Variants in MNAT1 observed in about 807,000 individuals in gnomAD.
MNAT1 encodes the protein MNAT1 component of CDK activating kinase.
A neutral mutation model predicts 42.0 loss-of-function variants in MNAT1; 43 were observed. The observed-to-expected ratio is 1.02, with a 90% CI of 0.80 to 1.32. The LOEUF (loss-of-function observed/expected upper bound fraction) is 1.32. Among genes scored for constraint, MNAT1 ranks in the 40% most tolerant of loss-of-function variants. MNAT1 has a pLI of 0.00. For synonymous variants in MNAT1, 118 were observed against 120.0 expected, an observed-to-expected ratio of 0.98 and a Z score of 0.11; for missense variants, 306 against 350.4, an observed-to-expected ratio of 0.87 and a Z score of 1.01.
intron 1 of MNAT1, among the ~76,000 whole-genome samples, chr14:60,751,120 G>T (rs2030072942): frequency 6.6e-6 from 1 of 151,250 alleles, no homozygotes; most frequent in Non-Finnish European, 1.5e-5. Context: ...TAATCAAATG[G>T]GGAAACTGAA....
At chr14:60,827,246 T>C (rs2033081355) in intron 6 of MNAT1, among the ~76,000 whole-genome samples, 1 of 152,124 alleles carries the variant, frequency 6.6e-6, no homozygotes, top group Non-Finnish European at 1.5e-5. Flanking sequence ...TGGAGAAACA[T>C]ACCATGCATT....
intron 6 of MNAT1, among the ~76,000 whole-genome samples, chr14:60,837,489 A>G (rs1321128130): frequency 2.0e-5 from 3 of 152,100 alleles, no homozygotes; most frequent in African/African-American, 7.2e-5. Flanking sequence ...CCCTGACCCC[A>G]TGCGCTTCCT....
At chr14:60,886,656 T>C (rs1181858423) in intron 7 of MNAT1, among the ~76,000 whole-genome samples, 1 of 152,074 alleles carries the variant, frequency 6.6e-6, no homozygotes, top group African/African-American at 2.4e-5. Context: ...TGTAATGTTT[T>C]GATTTTTTTT....
chr14:60,825,197 AT>A (rs953057081), intron 6 of MNAT1, among the ~76,000 whole-genome samples: 12 of 152,324 alleles, frequency 7.9e-5, no homozygotes, highest in Non-Finnish European at 1.6e-4. Flanking sequence ...GAATATGTAG[AT>A]TAAAATCACA....
At chr14:60,818,258 G>A (rs2032775184) in intron 5 of MNAT1, among the ~76,000 whole-genome samples, 1 of 151,816 alleles carries the variant, frequency 6.6e-6, no homozygotes, top group Admixed American at 6.6e-5. Context: ...TATACTTTTG[G>A]TTGTACTTAC....
chr14:60,882,533 G>T (rs1461399519), intron 7 of MNAT1, among the ~76,000 whole-genome samples: 1 of 152,146 alleles, frequency 6.6e-6, no homozygotes, highest in African/African-American at 2.4e-5. Context: ...GAACAGTCCT[G>T]TAACAAACAT....
intron 7 of MNAT1, among the ~76,000 whole-genome samples, chr14:60,915,582 T>C (rs1444896838): frequency 6.6e-6 from 1 of 152,188 alleles, no homozygotes; most frequent in African/African-American, 2.4e-5. Flanking sequence ...ATCTCACCAT[T>C]TGTTGCCTCT....
chr14:60,858,054 T>C (rs2034004863), intron 6 of MNAT1, among the ~76,000 whole-genome samples: 1 of 152,216 alleles, frequency 6.6e-6, no homozygotes, highest in African/African-American at 2.4e-5. Flanking sequence ...TGTGTCTTTA[T>C]AGCAGCATGA....
chr14:60,888,984 G>A (rs2034760823), intron 7 of MNAT1, among the ~76,000 whole-genome samples: 1 of 134,358 alleles, frequency 7.4e-6, no homozygotes, highest in Non-Finnish European at 1.6e-5. Flanking sequence ...CCATGCTCAT[G>A]GGTAGGAAGA....
chr14:60,739,641 A>G lies in MNAT1; in HGVS notation c.89+4690A>G, dbSNP rs531315568. On this transcript the variant is annotated intron_variant, in intron 1 of 7. Transcript: ENST00000261245. ...CTTATCAATTTAATCTAGCAAATGC[A>G]CAAATGAATTGATTGTATGCATATA... Among the ~76,000 whole-genome samples the G allele has an allele frequency of 1.3e-3, 191 of 152,370 alleles. 1 individual carries two copies. Among genetic ancestry groups the G allele is most frequent in the African/African-American group, 4.4e-3 (182 of 41,588 alleles).
rs761823117 is a variant in MNAT1, at chr14:60,888,551, CCT to C, written c.809+8722_809+8723del. On this transcript the variant is annotated intron_variant, in intron 7 of 7. Transcript: ENST00000261245. ...GAAAACTGGCACAAGACAGGGATGCCCTCTCTCACCACTCCTATTCAACATAG... is the reference window on the plus strand; with the variant it reads ...GAAAACTGGCACAAGACAGGGATGCCCTCTCACCACTCCTATTCAACATAG... Among the ~76,000 whole-genome samples the C allele has an allele frequency of 1.9e-4, 29 of 151,592 alleles. 1 individual carries two copies. The highest frequency in any genetic ancestry group is 3.7e-4 in the Non-Finnish European group (25 of 67,952).
At chr14:60,834,256 G>A (rs184819296) in intron 6 of MNAT1, among the ~76,000 whole-genome samples, 82 of 152,072 alleles carry the variant, frequency 5.4e-4, no homozygotes, top group African/African-American at 2.0e-3. Flanking sequence ...TCTTTTAATT[G>A]TGATGTTAGT....
intron 7 of MNAT1, among the ~76,000 whole-genome samples, chr14:60,936,259 A>G (rs2035993251): frequency 6.6e-6 from 1 of 152,158 alleles, no homozygotes; most frequent in Non-Finnish European, 1.5e-5. Context: ...TTTAAGTTTT[A>G]GGGTACATGT....
intron 7 of MNAT1, among the ~76,000 whole-genome samples, chr14:60,888,009 T>C (rs2034722530): frequency 1.3e-5 from 2 of 148,198 alleles, no homozygotes; most frequent in Admixed American, 6.8e-5. Flanking sequence ...AGCTGAATTC[T>C]ACCAGAGGTA....
chr14:60,757,961 A>G (rs1163193313), intron 1 of MNAT1, among the ~76,000 whole-genome samples: 3 of 152,188 alleles, frequency 2.0e-5, no homozygotes, highest in Non-Finnish European at 4.4e-5. Flanking sequence ...ACAATACACT[A>G]CAATAATTGT....
chr14:60,898,656 A>G (rs1434356663), intron 7 of MNAT1, among the ~76,000 whole-genome samples: 1 of 152,070 alleles, frequency 6.6e-6, no homozygotes, highest in Non-Finnish European at 1.5e-5. Context: ...TCTAGATGTT[A>G]GGTCCTTGTA....
At chr14:60,806,600 C>A (rs1046492697) in intron 3 of MNAT1, among the ~76,000 whole-genome samples, 2 of 152,124 alleles carry the variant, frequency 1.3e-5, no homozygotes. Context: ...GAGGCCAACG[C>A]GGGTGGATCA....
chr14:60,852,266 G>A (rs1260857993), intron 6 of MNAT1, among the ~76,000 whole-genome samples: 1 of 152,034 alleles, frequency 6.6e-6, no homozygotes, highest in African/African-American at 2.4e-5. Context: ...GTTTTGATTT[G>A]CATTTCTCTA....
intron 1 of MNAT1, among the ~76,000 whole-genome samples, chr14:60,748,290 G>T (rs1389309154): frequency 6.6e-6 from 1 of 152,118 alleles, no homozygotes; most frequent in African/African-American, 2.4e-5. Context: ...GAGTGCAGGG[G>T]CATGATCACG....
Sources: gnomAD v4.1 joint callset for allele counts (sites outside exome capture counted in the v4.1 genomes callset) on GRCh38, gnomAD v4.1.1 for gene constraint, MANE v1.5 for transcripts, NCBI Gene and HGNC (gene_info 2026-07-23, HGNC 2026-07-21) for gene names.